The following KDM2A variants were observed in gnomAD, a reference collection of about 807,000 sequenced individuals.
The protein encoded by KDM2A is lysine demethylase 2A, also known as lysine-specific demethylase 2A.
A neutral mutation model predicts 137.3 loss-of-function variants in KDM2A; 3 were observed. That is an observed-to-expected ratio of 0.02 (90% CI 0.01 to 0.06). KDM2A has a LOEUF of 0.06. Ranked by LOEUF, KDM2A falls within the 10% of genes least tolerant of loss-of-function variation. The pLI is 1.00. For missense variants in KDM2A, 738 were observed against 1,510.6 expected, an observed-to-expected ratio of 0.49 and a Z score of 8.48; for synonymous variants, 512 against 541.5, an observed-to-expected ratio of 0.95 and a Z score of 0.76.
At position 67,180,227 on chromosome 11, in the gene KDM2A, GT is replaced by G; in HGVS notation, c.181+14del. The G allele has an allele frequency of 6.2e-7, 1 of 1,612,284 alleles. No homozygotes were observed. Among genetic ancestry groups the G allele is most frequent in the East Asian group, 2.2e-5 (1 of 44,804 alleles). ...TTTATGGAAGGAAAAGGTCAGTATT[GT>G]TTTGGTTCCAGCTTACAGTCCTTTG... On this transcript the variant is annotated intron_variant, in intron 3 of 20. Transcript: ENST00000529006.
intron 2 of KDM2A, among the ~76,000 whole-genome samples, chr11:67,123,511 A>T (rs1855646888): frequency 6.6e-6 from 1 of 151,738 alleles, no homozygotes; most frequent in Non-Finnish European, 1.5e-5. Context: ...CTTGAATTTA[A>T]CTTTTCTTTG....
intron 2 of KDM2A, among the ~76,000 whole-genome samples, chr11:67,160,664 A>T (rs1856614286): frequency 6.6e-6 from 1 of 152,176 alleles, no homozygotes; most frequent in Non-Finnish European, 1.5e-5. Flanking sequence ...TCAACTACTC[A>T]GGAGGCTGAG....
intron 5 of KDM2A, 118 bp from the exon 6 acceptor site, chr11:67,207,392 T>C (rs960514885): frequency 1.5e-6 from 1 of 685,026 alleles, no homozygotes; most frequent in Admixed American, 3.3e-5. Context: ...TTTTTCCTTG[T>C]GTATTATTGA....
chr11:67,142,660 C>T (rs1326491886), intron 2 of KDM2A, among the ~76,000 whole-genome samples: 1 of 151,122 alleles, frequency 6.6e-6, no homozygotes, highest in African/African-American at 2.4e-5. Flanking sequence ...GCCGAGATTG[C>T]ACCATCGCAC....
intron 13 of KDM2A, 109 bp downstream of exon 13, chr11:67,243,201 T>G (rs1034583271): frequency 1.3e-6 from 1 of 744,082 alleles, no homozygotes; most frequent in African/African-American, 1.7e-5. Flanking sequence ...TTTTGGTGCA[T>G]TAATACAAAC....
chr11:67,179,996 G>T, intron 2 of KDM2A, 83 bp from the exon 3 acceptor site: 1 of 1,391,322 alleles, frequency 7.2e-7, no homozygotes, highest in Non-Finnish European at 9.8e-7. Flanking sequence ...GTAGCACTTT[G>T]CACATGTAGG....
intron 13 of KDM2A, among the ~76,000 whole-genome samples, chr11:67,244,178 G>A (rs1032484766): frequency 6.6e-6 from 1 of 152,192 alleles, no homozygotes; most frequent in African/African-American, 2.4e-5. Flanking sequence ...AAACAATTCA[G>A]TCATTTCTGG....
At chr11:67,240,979 A>G (rs1199227979) in intron 12 of KDM2A, among the ~76,000 whole-genome samples, 1 of 152,082 alleles carries the variant, frequency 6.6e-6, no homozygotes, top group African/African-American at 2.4e-5. Flanking sequence ...CCCCACAAAA[A>G]TCTTGCAGGT....
At position 67,171,334 on chromosome 11, in the gene KDM2A, C is replaced by T. The variant is rs539346111; in HGVS notation, c.43-8745C>T. 4.3e-4 allele frequency among the ~76,000 whole-genome samples: 65 copies of T among 152,282 alleles called. 1 individual carries two copies. The highest frequency in any genetic ancestry group is 3.9e-3 in the Admixed American group (59 of 15,286). On this transcript the variant is annotated intron_variant, in intron 2 of 20. Coordinates refer to ENST00000529006, the MANE Select transcript of KDM2A (RefSeq NM_012308.3). ...AGATAGTCTTTGAATGCAACATAAACAGACCAGAGGGACTGGTATGTAGCA... is the reference window on the plus strand; with the variant it reads ...AGATAGTCTTTGAATGCAACATAAATAGACCAGAGGGACTGGTATGTAGCA...
At chr11:67,180,819 A>AT (rs920661672) in intron 3 of KDM2A, among the ~76,000 whole-genome samples, 136 of 141,992 alleles carry the variant, frequency 9.6e-4, no homozygotes, top group Admixed American at 1.3e-3. Flanking sequence ...CACCCGGCTA[A>AT]TTTTTTTTTT....
At chr11:67,234,640 A>G (rs2136430997) in intron 12 of KDM2A, among the ~76,000 whole-genome samples, 1 of 152,338 alleles carries the variant, frequency 6.6e-6, no homozygotes, top group South Asian at 2.1e-4. Context: ...CGGCAGACGC[A>G]GGCAGATCTC....
At chr11:67,226,595 G>A (rs1468808924) in intron 10 of KDM2A, among the ~76,000 whole-genome samples, 6 of 151,068 alleles carry the variant, frequency 4.0e-5, no homozygotes, top group African/African-American at 7.3e-5. Context: ...GGTGGCGGGC[G>A]CTTGTAGTAC....
chr11:67,225,433 C>G (rs1424975392), intron 10 of KDM2A, among the ~76,000 whole-genome samples: 1 of 151,672 alleles, frequency 6.6e-6, no homozygotes, highest in African/African-American at 2.4e-5. Flanking sequence ...TTCAGGAGTT[C>G]GAGACCAACC....
Position 67,121,373 on chromosome 11 carries a change from C to T in KDM2A, c.42+15C>T. 1 of 1,610,656 alleles carries T rather than the reference C, an allele frequency of 6.2e-7. No homozygotes were observed. Among genetic ancestry groups the T allele is most frequent in the Non-Finnish European group, 8.5e-7 (1 of 1,176,970 alleles). ...GCCAGAGATTGGTTAGTATTTTCTC[C>T]CCCCACCACACCCTCCAGTTTTAAA... On this transcript the variant is annotated intron_variant, in intron 2 of 20. Coordinates refer to ENST00000529006, the MANE Select transcript of KDM2A (RefSeq NM_012308.3).
intron 2 of KDM2A, among the ~76,000 whole-genome samples, chr11:67,168,567 G>C (rs1379561959): frequency 1.7e-4 from 2 of 11,880 alleles, no homozygotes; most frequent in Non-Finnish European, 3.4e-4. Context: ...CACACACACA[G>C]TCTTGTATGA....
intron 5 of KDM2A, chr11:67,196,882 T>C (rs1045758996): frequency 3.2e-5 from 5 of 157,374 alleles, no homozygotes; most frequent in African/African-American, 1.2e-4. Flanking sequence ...TTTTGTATTT[T>C]ACTACCATTT....
At chr11:67,215,299 C>G in intron 6 of KDM2A, 41 bp from the exon 7 acceptor site, 1 of 1,361,904 alleles carries the variant, frequency 7.3e-7, no homozygotes, top group Non-Finnish European at 1.0e-6. Context: ...TGACCCCAAC[C>G]TTTCCCTTGG....
intron 2 of KDM2A, among the ~76,000 whole-genome samples, chr11:67,128,117 C>A (rs941628782): frequency 6.6e-6 from 1 of 151,092 alleles, no homozygotes; most frequent in African/African-American, 2.4e-5. Context: ...ATCCTCTTAC[C>A]TCAGCCTCCT....
intron 2 of KDM2A, among the ~76,000 whole-genome samples, chr11:67,154,367 T>C (rs2136309922): frequency 6.6e-6 from 1 of 152,360 alleles, no homozygotes; most frequent in Non-Finnish European, 1.5e-5. Context: ...ATATTCAAAA[T>C]GTTTTGCAAT....
Sources: gnomAD v4.1 joint callset for allele counts (sites outside exome capture counted in the v4.1 genomes callset) on GRCh38, gnomAD v4.1.1 for gene constraint, MANE v1.5 for transcripts, NCBI Gene and HGNC (gene_info 2026-07-23, HGNC 2026-07-21) for gene names.